Variants in NPR2 observed in about 807,000 individuals in gnomAD.
NPR2 encodes atrial natriuretic peptide receptor 2.
A neutral mutation model predicts 120.7 loss-of-function variants in NPR2; 49 were observed. The observed-to-expected ratio is 0.41, with a 90% CI of 0.32 to 0.52. The LOEUF is 0.52. NPR2 is among the 20% of genes least tolerant of loss of function. The probability of loss-of-function intolerance (pLI) is 0.36; values close to 1 mark genes in which losing one functional copy is unlikely to be tolerated. For missense variants in NPR2, 931 were observed against 1,362.9 expected, an observed-to-expected ratio of 0.68 and a Z score of 4.99; for synonymous variants, 484 against 519.8, an observed-to-expected ratio of 0.93 and a Z score of 0.94.
rs1263762640 is a variant in NPR2 at position 35,792,475 on chromosome 9, C to T, written c.67C>T (p.Arg23Trp). The T allele has an allele frequency of 9.9e-6, 16 of 1,610,702 alleles. No homozygotes were observed. Among genetic ancestry groups the T allele is most frequent in the Non-Finnish European group, 1.4e-5 (16 of 1,179,890 alleles). ...LAGGVRPPGA[R>W]NLTLAVVLPE... ...AGGTGGGGTGCGTCCTCCCGGGGCG[C>T]GGAACCTGACGCTGGCGGTGGTGCT... The change falls in exon 1 of 22, where the codon CGG (arginine) becomes TGG (tryptophan). Residue 23 changes from arginine to tryptophan, a missense_variant. Arg to Trp is a moderately radical substitution (Grantham distance 101). Coordinates refer to ENST00000342694, the MANE Select transcript of NPR2 (RefSeq NM_003995.4).
Position 35,792,320 on chromosome 9 carries a change from C to G in NPR2, c.-89C>G, listed in dbSNP as rs1256016047. ...TCCTCCTCTTCCTGGCCCTCTTCCCCAGGCTCCAGGCTGGGGGGTGCTCGC... is the reference window on the plus strand; with the variant it reads ...TCCTCCTCTTCCTGGCCCTCTTCCCGAGGCTCCAGGCTGGGGGGTGCTCGC... On this transcript the variant is annotated 5_prime_UTR_variant, in exon 1 of 22. Transcript: ENST00000342694. 1 of 1,413,342 alleles carries G rather than the reference C, an allele frequency of 7.1e-7. No homozygotes were observed. The highest frequency in any genetic ancestry group is 9.5e-7 in the Non-Finnish European group (1 of 1,048,570). 87.6% of individuals were successfully genotyped at this position (1,413,342 alleles called of 1,614,324 possible).
chr9:35,801,790 T>TGCCTCCCTCTGAGTTCCTGTCCCTTC (rs775713346), intron 8 of NPR2, 27 bp downstream of exon 8: 1 of 1,614,130 alleles, frequency 6.2e-7, no homozygotes, highest in South Asian at 1.1e-5. Context: ...GCTGTTCCTC[T>TGCCTCCCTCTGAGTTCCTGTCCCTTC]GCCTCCCTCT....
At position 35,799,688 on chromosome 9, in the gene NPR2, T is replaced by C. The variant is rs1332839403; in HGVS notation, c.944T>C (p.Ile315Thr). The change falls in exon 3 of 22, where the codon ATA becomes ACA. Residue 315 changes from isoleucine (I) to threonine (T), a missense_variant. Physicochemically the swap from Ile to Thr is moderately conservative, Grantham distance 89. Transcript: ENST00000342694. Reference sequence around the variant, plus strand: ...CAGGAATTCCAGAATCGTCTGCTGATAAGAGCCCGGGAAGACTTTGGTGTG... The same window carrying C: ...CAGGAATTCCAGAATCGTCTGCTGACAAGAGCCCGGGAAGACTTTGGTGTG... ...EYQEFQNRLL[I>T]RAREDFGVEL... 6.2e-7 allele frequency: 1 copy of C among 1,613,910 alleles called. No individual in the cohort carries two copies. Among genetic ancestry groups the C allele is most frequent in the African/African-American group, 1.3e-5 (1 of 74,864 alleles).
chr9:35,792,435 GGTGGCA>G lies in NPR2; in HGVS notation c.29_34del (p.Val10_Ala11del). 3 of 1,611,640 alleles carry G rather than the reference GGTGGCA, an allele frequency of 1.9e-6. No homozygotes were observed. The highest frequency in any genetic ancestry group is 2.5e-6 in the Non-Finnish European group (3 of 1,179,810). ...TGGCGCTGCCATCACTTCTGCTGTTGGTGGCAGCCCTGGCAGGTGGGGTGCGTCCTC... is the reference window on the plus strand; with the variant it reads ...TGGCGCTGCCATCACTTCTGCTGTTGGCCCTGGCAGGTGGGGTGCGTCCTC... On this transcript the variant is annotated inframe_deletion, in exon 1 of 22. Coordinates refer to ENST00000342694, the MANE Select transcript of NPR2 (RefSeq NM_003995.4).
Position 35,793,891 on chromosome 9 carries a change from C to G in NPR2, c.668-7C>G. 6.2e-7 allele frequency: 1 copy of G among 1,614,146 alleles called. No individual in the cohort carries two copies. Among genetic ancestry groups the G allele is most frequent in the Non-Finnish European group, 8.5e-7 (1 of 1,179,990 alleles). ...AGGGTGCTCCTCTGTCATGTACCTG[C>G]TCCCAGTTGTGTATATCTGCGGCCC... is the stretch of plus-strand genomic sequence containing the variant. On this transcript the variant is annotated splice_region_variant and splice_polypyrimidine_tract_variant and intron_variant, in intron 1 of 21. Coordinates refer to ENST00000342694, the MANE Select transcript of NPR2 (RefSeq NM_003995.4).
At chr9:35,807,279 T>C (rs777359328) in intron 17 of NPR2, 51 bp from the exon 18 acceptor site, 20 of 1,542,088 alleles carry the variant, frequency 1.3e-5, no homozygotes, top group Non-Finnish European at 1.6e-5. Flanking sequence ...TTAAGAATTC[T>C]TAGAAAATTG....
In NPR2 at chr9:35,807,399, G is replaced by T. The variant is rs1228356744; in HGVS notation, c.2712+1G>T. On this transcript the variant is annotated splice_donor_variant, in intron 18 of 21. Transcript: ENST00000342694. LOFTEE classifies it high-confidence loss of function. ...AATTGACAACTTTGATGTCTACAAG[G>T]TGAGAGCTGGGGCCGCTGTTCAATA... The T allele has an allele frequency of 6.3e-7, 1 of 1,599,136 alleles. No homozygotes were observed. Among genetic ancestry groups the T allele is most frequent in the Non-Finnish European group, 8.6e-7 (1 of 1,169,430 alleles).
At chr9:35,793,494 A>C (rs541312904) in intron 1 of NPR2, among the ~76,000 whole-genome samples, 91 of 152,174 alleles carry the variant, frequency 6.0e-4, no homozygotes, top group African/African-American at 2.1e-3. Flanking sequence ...CCATGAACGG[A>C]CTCAGGGCTC....
At position 35,792,154 on chromosome 9, in the gene NPR2, T is replaced by G; in HGVS notation, c.-255T>G. The G allele has an allele frequency of 9.1e-6, 2 of 220,268 alleles. No homozygotes were observed. The highest frequency in any genetic ancestry group is 7.1e-5 in the African/African-American group (2 of 28,174). 13.6% of individuals were successfully genotyped at this position (220,268 alleles called of 1,614,324 possible). ...GCCGCAGGCCCCCTCGGTCCCTCCC[T>G]CCCCCTGCCACCCCGTTCTCAGTCC... On this transcript the variant is annotated 5_prime_UTR_variant, in exon 1 of 22. Transcript: ENST00000342694.
rs746736321 is a variant in NPR2, at chr9:35,799,710, T to C, written c.966T>C (p.Gly322=). 7 of 1,613,838 alleles carry C rather than the reference T, an allele frequency of 4.3e-6. No homozygotes were observed. The Admixed American group carries it at 1.2e-4, about 27-fold the overall frequency. ...TGATAAGAGCCCGGGAAGACTTTGG[T>C]GTGGAGCTGGGCCCTTCCCTGGTAA... ...RLLIRAREDF[G]VELGPSLMNL... The change falls in exon 3 of 22, where the codon GGT becomes GGC. Residue 322 remains glycine, a synonymous_variant. Coordinates refer to ENST00000342694, the MANE Select transcript of NPR2 (RefSeq NM_003995.4).
Position 35,802,791 on chromosome 9 carries a change from T to C in NPR2, c.1875T>C (p.Asn625=), listed in dbSNP as rs1828225501. 13 of 1,608,832 alleles carry C rather than the reference T, an allele frequency of 8.1e-6. No homozygotes were observed. The highest frequency in any genetic ancestry group is 1.1e-5 in the Non-Finnish European group (13 of 1,175,312). The change falls in exon 12 of 22, where the codon AAT becomes AAC. Residue 625 remains asparagine, a synonymous_variant. Transcript: ENST00000342694. This position sits in a 1 kb window ranked among gnomAD's most constrained non-coding sequence, Gnocchi z 4.2. ...GGATGTTTCGTTATTCACTCATTAA[T>C]GACCTTGTTAAGGTGAGTCTTCCCC... ...LDWMFRYSLI[N]DLVKGMAFLH... is the part of the protein sequence containing the mutation.
In NPR2 at chr9:35,808,696, C is replaced by G; in HGVS notation, c.2887+13C>G. On this transcript the variant is annotated intron_variant, in intron 19 of 21. Transcript: ENST00000342694. The surrounding 1 kb of genome is among the most constrained non-coding windows in gnomAD (Gnocchi z 4.0). ...GGGGTCCATACTGGTAAGGCTGACT[C>G]TCACTCCAGCCCTAGTCTCCACCTT... The G allele has an allele frequency of 1.2e-6, 2 of 1,613,390 alleles. No homozygotes were observed. Among genetic ancestry groups the G allele is most frequent in the Non-Finnish European group, 1.7e-6 (2 of 1,179,300 alleles).
chr9:35,794,834 T>G (rs759233336), intron 2 of NPR2, among the ~76,000 whole-genome samples: 10 of 149,624 alleles, frequency 6.7e-5, no homozygotes, highest in Non-Finnish European at 1.2e-4. Flanking sequence ...CCTTGACTTT[T>G]TGTGTGTGTG....
At chr9:35,801,213 C>A in intron 7 of NPR2, 59 bp downstream of exon 7, 2 of 1,316,856 alleles carry the variant, frequency 1.5e-6, no homozygotes, top group Non-Finnish European at 2.2e-6. Flanking sequence ...CAACCTCTGG[C>A]TGAAGCCAGG....
rs1828536263 is a variant in NPR2 at position 35,808,363 on chromosome 9, A to G, written c.2713-146A>G. 26 of 1,422,104 alleles carry G rather than the reference A, an allele frequency of 1.8e-5. No homozygotes were observed. The highest frequency in any genetic ancestry group is 2.6e-5 in the Non-Finnish European group (26 of 1,009,612). The allele number at this position is 1,422,104 out of a possible 1,614,324, so 88.1% of individuals were successfully genotyped here. A position where few individuals can be genotyped will look rare whatever the true frequency, so the allele number is the denominator to read the frequency against. The stretch of plus-strand genomic sequence containing the variant: ...TAGACATCTCCTCTCCCCTAGACTC[A>G]GGACCATGGCACTTATTTTCTAGTC... On this transcript the variant is annotated intron_variant, in intron 18 of 21. Coordinates refer to ENST00000342694, the MANE Select transcript of NPR2 (RefSeq NM_003995.4). The surrounding 1 kb of genome is among the most constrained non-coding windows in gnomAD (Gnocchi z 4.0).
At chr9:35,798,263 G>A (rs937322584) in intron 2 of NPR2, among the ~76,000 whole-genome samples, 4 of 152,092 alleles carry the variant, frequency 2.6e-5, no homozygotes, top group Admixed American at 2.0e-4. Context: ...TACATTGCTT[G>A]TCAACAATAT....
Position 35,802,462 on chromosome 9 carries a change from C to T in NPR2, c.1711-41C>T. 8.2e-7 allele frequency: 1 copy of T among 1,219,684 alleles called. No homozygotes were observed. The allele number at this position is 1,219,684 out of a possible 1,614,324, so 75.6% of individuals were successfully genotyped here. ...AAGTTTCTGTATCTAATTTTTAACT[C>T]TTTCAATTTTCTTATCCTTCCCATT... On this transcript the variant is annotated intron_variant, in intron 10 of 21. Coordinates refer to ENST00000342694, the MANE Select transcript of NPR2 (RefSeq NM_003995.4). The surrounding 1 kb of genome is among the most constrained non-coding windows in gnomAD (Gnocchi z 4.2).
chr9:35,806,637 A>T lies in NPR2; in HGVS notation c.2519+99A>T. ...GAGAACTCGCCTCCCCACCCTCAGA[A>T]CCCTGCTGGCCACAGGGAGCACCCC... On this transcript the variant is annotated intron_variant, in intron 16 of 21. Transcript: ENST00000342694. This position sits in a 1 kb window ranked among gnomAD's most constrained non-coding sequence, Gnocchi z 4.6. 3 of 1,337,438 alleles carry T rather than the reference A, an allele frequency of 2.2e-6. No individual in the cohort carries two copies. The highest frequency in any genetic ancestry group is 3.2e-6 in the Non-Finnish European group (3 of 932,548). 82.8% of individuals were successfully genotyped at this position (1,337,438 alleles called of 1,614,324 possible). A position where few individuals can be genotyped will look rare whatever the true frequency, so the allele number is the denominator to read the frequency against.
rs759447488 is a variant in NPR2 at position 35,801,639 on chromosome 9, A to G, written c.1437-4A>G. 7.4e-6 allele frequency: 12 copies of G among 1,614,158 alleles called. No homozygotes were observed. In the East Asian group the frequency reaches 2.5e-4, roughly 33 times the overall value. On this transcript the variant is annotated splice_polypyrimidine_tract_variant and splice_region_variant and intron_variant, in intron 7 of 21. Transcript: ENST00000342694. ...CAGTCAACTGAGGTGTGCAGTCCTT[A>G]CAGAAAGCTGATGCTGGAGAAGGAG...
Sources: allele counts gnomAD v4.1 joint callset (sites outside exome capture counted in the v4.1 genomes callset), GRCh38; gene constraint gnomAD v4.1.1; non-coding constraint Gnocchi (gnomAD v3.1); transcripts MANE v1.5; gene names NCBI Gene and HGNC (gene_info 2026-07-23, HGNC 2026-07-21).